The following LRRC37A2 variants were observed in gnomAD, a reference collection of about 807,000 sequenced individuals.
The protein encoded by LRRC37A2 is leucine-rich repeat-containing protein 37A2.
LRRC37A2 carries 9 observed loss-of-function variants against 68.8 expected under a neutral mutation model. The ratio of observed to expected loss-of-function variants is 0.13; its 90% CI spans 0.08 to 0.23. LRRC37A2 has a LOEUF of 0.23. LRRC37A2 is among the 10% of genes least tolerant of loss of function. The pLI is 1.00. For synonymous variants in LRRC37A2, 63 were observed against 367.6 expected (o/e 0.17, Z 9.48); for missense variants, 168 against 950.4 (o/e 0.18, Z 10.82).
downstream of LRRC37A2, chr17:46,558,742 C>G (rs2057430924): frequency 2.2e-5 from 3 of 137,642 alleles, 1 homozygote; most frequent in African/African-American, 2.8e-5. Flanking sequence ...CTTGAACACC[C>G]TTGGATGCTG....
chr17:46,540,624 CTT>C (rs1466524728), intron 7 of LRRC37A2, among the ~76,000 whole-genome samples, 181 bp from the exon 7 acceptor site: 3 of 140,342 alleles, frequency 2.1e-5, no homozygotes, highest in Admixed American at 7.0e-5. Flanking sequence ...CAGTTCTGCT[CTT>C]GAGTATCATT....
the LRRC37A2 span, among the ~76,000 whole-genome samples, chr17:47,044,045 C>CAAA: frequency 5.2e-4 from 26 of 50,040 alleles, no homozygotes; most frequent in African/African-American, 1.2e-3. Flanking sequence ...GACTCCATCT[C>CAAA]AAAAAAAAAA....
the LRRC37A2 span, chr17:46,755,408 T>TA: frequency 1.3e-6 from 2 of 1,496,404 alleles, no homozygotes; most frequent in South Asian, 1.1e-5. Context: ...CAACCAAACT[T>TA]ACCACCCTGT....
chr17:47,030,161 T>C, the LRRC37A2 span, among the ~76,000 whole-genome samples: 69,704 of 125,108 alleles, frequency 0.56, 21,187 homozygotes, highest in South Asian at 0.7. Context: ...ACTACAATTA[T>C]GTAGGCAACA....
the LRRC37A2 span, among the ~76,000 whole-genome samples, chr17:46,714,406 G>A: frequency 6.6e-6 from 1 of 152,186 alleles, no homozygotes; most frequent in Admixed American, 6.5e-5. Flanking sequence ...ATAGTCCCAG[G>A]AATCCCTACA....
the LRRC37A2 span, chr17:46,940,690 G>T: frequency 1.9e-6 from 3 of 1,609,810 alleles, no homozygotes; most frequent in Non-Finnish European, 2.5e-6. Context: ...TCTTTTCGTG[G>T]TGTGCACCAG....
the LRRC37A2 span, chr17:46,876,834 G>A: frequency 7.0e-7 from 1 of 1,436,208 alleles, no homozygotes; most frequent in Non-Finnish European, 9.2e-7. Context: ...ACCGGCATGT[G>A]TGCCAATGCA....
At chr17:46,770,966 C>T in the LRRC37A2 span, among the ~76,000 whole-genome samples, 6 of 152,272 alleles carry the variant, frequency 3.9e-5, no homozygotes, top group African/African-American at 1.4e-4. Context: ...TGACTCGCCA[C>T]CTGACACAGG....
the LRRC37A2 span, among the ~76,000 whole-genome samples, chr17:46,764,786 C>T: frequency 6.6e-6 from 1 of 152,200 alleles, no homozygotes; most frequent in African/African-American, 2.4e-5. Context: ...GTGCTTTGGG[C>T]CTGCTGTTGA....
At chr17:46,939,566 C>G in the LRRC37A2 span, 1 of 985,120 alleles carries the variant, frequency 1.0e-6, no homozygotes, top group Non-Finnish European at 1.2e-6. Flanking sequence ...TAGAAAGTAG[C>G]TGTAGGCAAA....
chr17:46,853,012 T>A, the LRRC37A2 span, among the ~76,000 whole-genome samples: 2 of 152,152 alleles, frequency 1.3e-5, no homozygotes, highest in Non-Finnish European at 2.9e-5. Context: ...GGGCCTCACT[T>A]TCTCCTTTTG....
the LRRC37A2 span, among the ~76,000 whole-genome samples, chr17:46,752,253 C>T: frequency 6.6e-6 from 1 of 152,166 alleles, no homozygotes; most frequent in South Asian, 2.1e-4. Context: ...CTCATATCTC[C>T]TGGCAACTTA....
intron 8 of LRRC37A2, among the ~76,000 whole-genome samples, chr17:46,545,820 C>T (rs2056224687): frequency 6.7e-6 from 1 of 149,626 alleles, no homozygotes; most frequent in Admixed American, 6.6e-5. Flanking sequence ...CTCCGCAATC[C>T]AGGTTAAACT....
the LRRC37A2 span, among the ~76,000 whole-genome samples, chr17:46,883,644 A>G: frequency 6.6e-6 from 1 of 152,156 alleles, no homozygotes; most frequent in Non-Finnish European, 1.5e-5. Context: ...TTGCTACACA[A>G]TAAGTAGCAG....
the LRRC37A2 span, among the ~76,000 whole-genome samples, chr17:46,751,949 C>CT: frequency 6.6e-6 from 1 of 152,188 alleles, no homozygotes; most frequent in Non-Finnish European, 1.5e-5. Flanking sequence ...GAGCCACAGG[C>CT]TGTCAGTGAA....
chr17:46,875,297 G>A, the LRRC37A2 span: 1 of 1,614,090 alleles, frequency 6.2e-7, no homozygotes, highest in Non-Finnish European at 8.5e-7. Context: ...GCAACTTCCT[G>A]GGGTCCAAGA....
the LRRC37A2 span, among the ~76,000 whole-genome samples, chr17:46,822,464 G>A: frequency 2.0e-5 from 3 of 152,260 alleles, no homozygotes; most frequent in Admixed American, 6.5e-5. Flanking sequence ...GAGCGCAGGT[G>A]CACGCGGAGG....
the LRRC37A2 span, among the ~76,000 whole-genome samples, chr17:46,892,259 C>T: frequency 6.6e-6 from 1 of 152,046 alleles, no homozygotes; most frequent in Non-Finnish European, 1.5e-5. Context: ...CACACCCCTG[C>T]CTAAAAACCC....
the LRRC37A2 span, among the ~76,000 whole-genome samples, chr17:46,583,975 T>TTATATATA: frequency 0.03 from 305 of 10,294 alleles, 6 homozygotes; most frequent in East Asian, 0.088. Flanking sequence ...CGTATATGTT[T>TTATATATA]TATATATATA....
Sources: allele counts gnomAD v4.1 joint callset (sites outside exome capture counted in the v4.1 genomes callset), GRCh38; gene constraint gnomAD v4.1.1; transcripts MANE v1.5; gene names NCBI Gene and HGNC (gene_info 2026-07-23, HGNC 2026-07-21).